The following CDH23 variants were observed in gnomAD, a reference collection of about 807,000 sequenced individuals.
CDH23 encodes the protein cadherin-23.
Under a neutral mutation model 317.1 loss-of-function variants are expected in CDH23, and 189 were observed. The ratio of observed to expected loss-of-function variants is 0.60; its 90% confidence interval spans 0.53 to 0.67. The LOEUF is 0.67. CDH23 is among the 30% of genes least tolerant of loss of function. The pLI, the probability that CDH23 is intolerant of heterozygous loss-of-function variation, is 0.00. For missense variants in CDH23, 4,401 were observed against 4,592.4 expected, an observed-to-expected ratio of 0.96 and a Z score of 1.20; for synonymous variants, 1,839 against 1,876.8, an observed-to-expected ratio of 0.98 and a Z score of 0.52.
At chr10:71,752,464 G>A (rs1237794655) in intron 38 of CDH23, among the ~76,000 whole-genome samples, 1 of 152,194 alleles carries the variant, frequency 6.6e-6, no homozygotes, top group African/African-American at 2.4e-5. Flanking sequence ...CTCCAGGCCA[G>A]GCTGCATGGC....
chr10:71,398,016 C>T lies in CDH23; in HGVS notation c.-6+698C>T, dbSNP rs116540048. 6.7e-3 allele frequency among the ~76,000 whole-genome samples: 1,027 copies of T among 152,322 alleles called. 14 individuals carry two copies. Among genetic ancestry groups the T allele is most frequent in the African/African-American group, 0.023 (958 of 41,568 alleles). ...CTGGCTGCCCCCAGGAGCTGGCACC[C>T]GGGAGCACTGCCCCTCATCTCCACC... On this transcript the variant is annotated intron_variant, in intron 1 of 69. Coordinates refer to ENST00000224721, the MANE Select transcript of CDH23 (RefSeq NM_022124.6).
chr10:71,421,867 T>C (rs1848835355), intron 1 of CDH23, among the ~76,000 whole-genome samples: 1 of 151,900 alleles, frequency 6.6e-6, no homozygotes, highest in Non-Finnish European at 1.5e-5. Context: ...TGGGGGCAAA[T>C]GTGGACACAG....
At chr10:71,495,246 C>G (rs1197787232) in intron 3 of CDH23, among the ~76,000 whole-genome samples, 1 of 152,112 alleles carries the variant, frequency 6.6e-6, no homozygotes, top group Non-Finnish European at 1.5e-5. Flanking sequence ...ATGAATGGTG[C>G]TGTGATCATT....
intron 1 of CDH23, among the ~76,000 whole-genome samples, chr10:71,431,291 C>G (rs1358750671): frequency 6.6e-6 from 1 of 152,236 alleles, no homozygotes; most frequent in Non-Finnish European, 1.5e-5. Context: ...CCCTGGGGGT[C>G]TCAGGTCGTG....
rs1589376406 is a variant in CDH23 at position 71,725,478 on chromosome 10, G to A, written c.3537G>A (p.Glu1179=). Residue 1179 remains glutamate (E), a synonymous_variant, in exon 30 of 70, where the codon GAG becomes GAA. Coordinates refer to ENST00000224721, the MANE Select transcript of CDH23 (RefSeq NM_022124.6). ...ACTCATCCCACGTGCTGATAGTGGAGGCCTACAACCACGACCTGGGCCCCA... is the reference window on the plus strand; with the variant it reads ...ACTCATCCCACGTGCTGATAGTGGAAGCCTACAACCACGACCTGGGCCCCA... ...ERNSSHVLIV[E]AYNHDLGPMR... The A allele has an allele frequency of 1.2e-6, 2 of 1,613,926 alleles. No homozygotes were observed. The highest frequency in any genetic ancestry group is 1.6e-4 in the Middle Eastern group (1 of 6,062).
chr10:71,535,891 C>T (rs2132273962), intron 6 of CDH23, among the ~76,000 whole-genome samples: 1 of 152,368 alleles, frequency 6.6e-6, no homozygotes, highest in East Asian at 1.9e-4. Context: ...AGTTGGGACA[C>T]AGGGAAAGTG....
chr10:71,459,404 G>T (rs755508723), intron 3 of CDH23, among the ~76,000 whole-genome samples: 1 of 152,100 alleles, frequency 6.6e-6, no homozygotes, highest in African/African-American at 2.4e-5. Context: ...ATTTTAAACC[G>T]TGCTTGGCAA....
chr10:71,784,185 C>G, intron 41 of CDH23, 102 bp from the exon 42 acceptor site: 2 of 1,334,182 alleles, frequency 1.5e-6, no homozygotes, highest in South Asian at 1.5e-5. Context: ...TGTCCCCCAC[C>G]TGTGACGAGT....
intron 3 of CDH23, among the ~76,000 whole-genome samples, chr10:71,505,941 T>C (rs954920555): frequency 1.4e-4 from 21 of 152,360 alleles, no homozygotes; most frequent in African/African-American, 5.0e-4. Flanking sequence ...TAAATGTTCA[T>C]AGCGGCATTA....
At chr10:71,438,177 C>T (rs1003041907) in intron 1 of CDH23, among the ~76,000 whole-genome samples, 1 of 151,658 alleles carries the variant, frequency 6.6e-6, no homozygotes, top group African/African-American at 2.4e-5. Flanking sequence ...CCCATCTCTA[C>T]TCAAAATACA....
chr10:71,724,709 C>T (rs769841474), intron 29 of CDH23, among the ~76,000 whole-genome samples: 11 of 152,228 alleles, frequency 7.2e-5, no homozygotes, highest in Non-Finnish European at 1.2e-4. Context: ...CCCAGCAGCA[C>T]GCTCCCCAGG....
chr10:71,488,656 C>T (rs114176954), intron 3 of CDH23, among the ~76,000 whole-genome samples: 1,618 of 152,288 alleles, frequency 0.011, 21 homozygotes, highest in African/African-American at 0.031. Context: ...TTGTTGATTG[C>T]ACCTGGCAAC....
chr10:71,560,282 T>G (rs950701287), intron 6 of CDH23, among the ~76,000 whole-genome samples: 1 of 152,232 alleles, frequency 6.6e-6, no homozygotes, highest in Non-Finnish European at 1.5e-5. Flanking sequence ...TGAATTCTTC[T>G]TGTTCCAATG....
rs151170391 is a variant in CDH23 at position 71,751,847 on chromosome 10, A to G, written c.4845+9926A>G. The G allele has an allele frequency of 8.1e-4, 1,257 of 1,554,652 alleles. 13 individuals are homozygous for G. In the South Asian group the frequency reaches 9.8e-3, roughly 12 times the overall value. ...TGAGGCTTCAAAGCCGGGGTTTTCA[A>G]TCCCTTGAATGTTGCTGCCACAGAA... On this transcript the variant is annotated intron_variant, in intron 38 of 69. Coordinates refer to ENST00000224721, the MANE Select transcript of CDH23 (RefSeq NM_022124.6). The surrounding 1 kb of genome is among the most constrained non-coding windows in gnomAD (Gnocchi z 4.9).
chr10:71,471,819 T>G (rs1335436481), intron 3 of CDH23, among the ~76,000 whole-genome samples: 3 of 152,206 alleles, frequency 2.0e-5, no homozygotes, highest in Non-Finnish European at 2.9e-5. Flanking sequence ...CCGGAAGCTT[T>G]GCTGGGATTC....
chr10:71,795,265 C>A (rs1841367791), intron 48 of CDH23, among the ~76,000 whole-genome samples: 1 of 152,082 alleles, frequency 6.6e-6, no homozygotes, highest in Admixed American at 6.5e-5. Flanking sequence ...TCATAGTGTG[C>A]AGCGAGCCAA....
intron 21 of CDH23, among the ~76,000 whole-genome samples, chr10:71,694,541 G>A (rs1208327514): frequency 6.6e-6 from 1 of 152,130 alleles, no homozygotes; most frequent in Non-Finnish European, 1.5e-5. Flanking sequence ...GTGGCAGAAG[G>A]CATGAGCCCC....
chr10:71,762,929 C>G lies in CDH23; in HGVS notation c.4846-14751C>G, dbSNP rs140323524. Among the ~76,000 whole-genome samples, 453 of 152,324 alleles carry G rather than the reference C, an allele frequency of 3.0e-3. 6 individuals are homozygous for G. Among genetic ancestry groups the G allele is most frequent in the African/African-American group, 0.01 (425 of 41,564 alleles). On this transcript the variant is annotated intron_variant, in intron 38 of 69. Transcript: ENST00000224721. The stretch of plus-strand genomic sequence containing the variant: ...ACTTTGCCTTATCCCAATCCTCCAG[C>G]ATTTAATTGGGTTGACCCTCAAAAC...
Position 71,556,159 on chromosome 10 carries a change from G to C in CDH23, c.430-10583G>C, listed in dbSNP as rs143003195. 4.7e-3 allele frequency among the ~76,000 whole-genome samples: 712 copies of C among 152,334 alleles called. 3 individuals are homozygous for C. The highest frequency in any genetic ancestry group is 8.3e-3 in the Non-Finnish European group (566 of 68,034). ...AGCAGTAGTGAAAGAAGAGTTTAAA[G>C]AGAGAAAGTTTGTTGAGACTATCAT... On this transcript the variant is annotated intron_variant, in intron 6 of 69. Coordinates refer to ENST00000224721, the MANE Select transcript of CDH23 (RefSeq NM_022124.6).
Sources: gnomAD v4.1 joint callset for allele counts (sites outside exome capture counted in the v4.1 genomes callset) on GRCh38, gnomAD v4.1.1 for gene constraint, Gnocchi (gnomAD v3.1) non-coding constraint, MANE v1.5 for transcripts, NCBI Gene and HGNC (gene_info 2026-07-23, HGNC 2026-07-21) for gene names.